The following MINDY3 variants were observed in gnomAD, a reference collection of about 807,000 sequenced individuals.
MINDY3 encodes ubiquitin carboxyl-terminal hydrolase MINDY-3.
Under a neutral mutation model 69.2 loss-of-function variants are expected in MINDY3, and 38 were observed. The observed-to-expected ratio is 0.55, with a 90% confidence interval of 0.42 to 0.72. The LOEUF (loss-of-function observed/expected upper bound fraction) is 0.72, where lower values mean the gene tolerates loss of function less well. Among genes scored for constraint, MINDY3 ranks in the 30% least tolerant of loss-of-function variants. The pLI, the probability that MINDY3 is intolerant of heterozygous loss-of-function variation, is 0.00. For synonymous variants in MINDY3, 192 were observed against 180.1 expected, an observed-to-expected ratio of 1.07 and a Z score of -0.53; for missense variants, 522 against 519.0, an observed-to-expected ratio of 1.01 and a Z score of -0.06.
intron 14 of MINDY3, among the ~76,000 whole-genome samples, chr10:15,781,420 C>A (rs1836519699): frequency 6.8e-6 from 1 of 147,690 alleles, no homozygotes; most frequent in Non-Finnish European, 1.5e-5. Context: ...TATATATATA[C>A]TATAACTAGT....
intron 7 of MINDY3, among the ~76,000 whole-genome samples, chr10:15,834,320 T>C (rs967496784): frequency 3.9e-5 from 6 of 152,080 alleles, no homozygotes; most frequent in African/African-American, 9.7e-5. Flanking sequence ...CACTGTTATC[T>C]TAAAACAAAA....
intron 10 of MINDY3, among the ~76,000 whole-genome samples, chr10:15,807,413 C>T (rs921470387): frequency 5.3e-5 from 8 of 152,128 alleles, no homozygotes; most frequent in African/African-American, 1.9e-4. Context: ...CTTTGATAAG[C>T]GTATTCTGGG....
intron 11 of MINDY3, among the ~76,000 whole-genome samples, chr10:15,789,874 A>C (rs778716048): frequency 5.9e-5 from 9 of 152,142 alleles, no homozygotes; most frequent in Non-Finnish European, 1.2e-4. Context: ...ATGAAGAGTC[A>C]AACTAATGCT....
intron 10 of MINDY3, among the ~76,000 whole-genome samples, chr10:15,796,574 A>T (rs1837854586): frequency 6.6e-6 from 1 of 151,996 alleles, no homozygotes; most frequent in Non-Finnish European, 1.5e-5. Flanking sequence ...AATATACTCC[A>T]GTTTTCAAAT....
intron 1 of MINDY3, among the ~76,000 whole-genome samples, chr10:15,853,706 A>G (rs1834475430): frequency 6.6e-6 from 1 of 151,678 alleles, no homozygotes; most frequent in Non-Finnish European, 1.5e-5. Context: ...TATATGTGTA[A>G]TTTTTTTAAC....
At chr10:15,855,317 T>C (rs978099138) in intron 1 of MINDY3, among the ~76,000 whole-genome samples, 4 of 152,132 alleles carry the variant, frequency 2.6e-5, no homozygotes, top group South Asian at 2.1e-4. Flanking sequence ...AAAACAGGAC[T>C]ATGCTGAGTA....
intron 2 of MINDY3, among the ~76,000 whole-genome samples, chr10:15,847,382 T>C (rs998886217): frequency 7.2e-5 from 11 of 152,246 alleles, no homozygotes; most frequent in Non-Finnish European, 1.5e-4. Context: ...ACGAATTTTA[T>C]TCAGAAAAGC....
At chr10:15,852,129 T>C (rs1834344035) in intron 1 of MINDY3, among the ~76,000 whole-genome samples, 1 of 152,192 alleles carries the variant, frequency 6.6e-6, no homozygotes, top group Non-Finnish European at 1.5e-5. Context: ...GCACAACCAG[T>C]ACTTACCATA....
At chr10:15,841,696 T>C (rs930476357) in intron 3 of MINDY3, 97 bp from the exon 4 acceptor site, 1 of 655,904 alleles carries the variant, frequency 1.5e-6, no homozygotes, top group Non-Finnish European at 2.4e-6. Flanking sequence ...ATGATGAAAA[T>C]CAAGCATTTT....
At chr10:15,853,905 C>G (rs1834496466) in intron 1 of MINDY3, among the ~76,000 whole-genome samples, 1 of 152,098 alleles carries the variant, frequency 6.6e-6, no homozygotes, top group African/African-American at 2.4e-5. Context: ...ACTTGGAACA[C>G]TTGTGTCCAC....
chr10:15,840,801 A>G (rs530771665), intron 4 of MINDY3, among the ~76,000 whole-genome samples: 13 of 151,754 alleles, frequency 8.6e-5, no homozygotes, highest in African/African-American at 3.1e-4. Context: ...TCAATTACAT[A>G]ACAATTTTCA....
chr10:15,798,884 G>A lies in MINDY3; in HGVS notation c.883-2712C>T, dbSNP rs552116853. On this transcript the variant is annotated intron_variant, in intron 10 of 14. Coordinates refer to ENST00000277632, the MANE Select transcript of MINDY3 (RefSeq NM_024948.4). ...ACATCTCTTTCTTGCCTGTGGTTCT[G>A]AACAGGCTATACAAGCTCACCTGCT... Among the ~76,000 whole-genome samples, 6 of 152,038 alleles carry A rather than the reference G, an allele frequency of 3.9e-5. No individual in the cohort carries two copies. The East Asian group carries it at 1.2e-3, about 30-fold the overall frequency.
rs778355325 is a variant in MINDY3, at chr10:15,838,270, G to A, written c.419C>T (p.Ala140Val). 2.5e-6 allele frequency: 4 copies of A among 1,602,352 alleles called. No homozygotes were observed. Among genetic ancestry groups the A allele is most frequent in the East Asian group, 2.3e-5 (1 of 44,332 alleles). Residue 140 changes from alanine to valine, a missense_variant, in exon 5 of 15, where the codon GCT becomes GTT. By Grantham distance (64) the Ala-to-Val change is moderately conservative (BLOSUM62 0). Transcript: ENST00000277632. ...TCGCTCAAAGCCAAGCTCTTCGACA[G>A]CCAAGGCAGCTATACATAAAAGACA... is the stretch of plus-strand genomic sequence containing the variant. ...SCQVEHSSAL[A>V]VEELGFERFH...
At chr10:15,857,619 T>C (rs1001906170) in intron 1 of MINDY3, among the ~76,000 whole-genome samples, 5 of 152,106 alleles carry the variant, frequency 3.3e-5, no homozygotes, top group African/African-American at 1.2e-4. Context: ...AATAAAACCC[T>C]GCCAACTTTA....
intron 11 of MINDY3, among the ~76,000 whole-genome samples, chr10:15,789,916 A>C (rs1211825087): frequency 6.6e-6 from 1 of 152,090 alleles, no homozygotes; most frequent in Non-Finnish European, 1.5e-5. Context: ...AATGGTCCAA[A>C]CTCTGATGAT....
chr10:15,832,358 A>G (rs1832790914), intron 8 of MINDY3, among the ~76,000 whole-genome samples: 1 of 152,164 alleles, frequency 6.6e-6, no homozygotes, highest in Admixed American at 6.5e-5. Context: ...AGAAGAAGAA[A>G]GACGGGAGTG....
chr10:15,821,758 A>C, intron 8 of MINDY3, 32 bp from the exon 9 acceptor site: 1 of 1,573,912 alleles, frequency 6.4e-7, no homozygotes, highest in East Asian at 2.2e-5. Flanking sequence ...ACAAAAAACG[A>C]AAACTTAGCA....
chr10:15,814,681 A>G (rs143352051), intron 10 of MINDY3, among the ~76,000 whole-genome samples: 2,361 of 152,186 alleles, frequency 0.016, 50 homozygotes, highest in African/African-American at 0.051. Flanking sequence ...GCCCTAGACA[A>G]AGTTCACTGG....
chr10:15,797,793 T>C (rs1279634818), intron 10 of MINDY3, among the ~76,000 whole-genome samples: 4 of 152,148 alleles, frequency 2.6e-5, no homozygotes, highest in Admixed American at 2.0e-4. Context: ...TAGGGAGCAA[T>C]TGCTGACATG....
Sources: allele counts gnomAD v4.1 joint callset (sites outside exome capture counted in the v4.1 genomes callset), GRCh38; gene constraint gnomAD v4.1.1; transcripts MANE v1.5; gene names NCBI Gene and HGNC (gene_info 2026-07-23, HGNC 2026-07-21).